The following LRP1B variants were observed in gnomAD, a reference collection of about 807,000 sequenced individuals.
LRP1B encodes the protein LDL receptor related protein 1B.
LRP1B carries 217 observed loss-of-function variants against 556.6 expected under a neutral mutation model. The ratio of observed to expected loss-of-function variants is 0.39; its 90% CI spans 0.35 to 0.44. The LOEUF (loss-of-function observed/expected upper bound fraction) is 0.44, where lower values mean the gene tolerates loss of function less well. Among genes scored for constraint, LRP1B ranks in the 20% least tolerant of loss-of-function variants. LRP1B has a pLI of 1.00. For missense variants in LRP1B, 5,053 were observed against 5,620.8 expected (o/e 0.90, Z 3.23); for synonymous variants, 2,047 against 1,865.8 (o/e 1.10, Z -2.50).
intron 41 of LRP1B, among the ~76,000 whole-genome samples, chr2:140,698,112 G>A (rs572263530): frequency 5.3e-5 from 8 of 151,426 alleles, no homozygotes; most frequent in East Asian, 1.9e-4. Context: ...TCAACATCAC[G>A]TCATTCCCTA....
At chr2:141,476,130 G>C (rs539767259) in intron 3 of LRP1B, among the ~76,000 whole-genome samples, 94 of 152,278 alleles carry the variant, frequency 6.2e-4, no homozygotes, top group African/African-American at 2.1e-3. Context: ...CTGTGTGTCT[G>C]CGTGCTCCCC....
At chr2:140,246,486 C>T (rs999321921) in intron 87 of LRP1B, among the ~76,000 whole-genome samples, 4 of 150,952 alleles carry the variant, frequency 2.6e-5, no homozygotes, top group East Asian at 2.0e-4. Flanking sequence ...AGACCCACAA[C>T]GATGATATAG....
At chr2:141,595,236 T>G (rs1687476402) in intron 2 of LRP1B, among the ~76,000 whole-genome samples, 1 of 152,074 alleles carries the variant, frequency 6.6e-6, no homozygotes, top group South Asian at 2.1e-4. Context: ...TTCTTACAGT[T>G]TATCAGGATC....
rs565082229 is a variant in LRP1B, at chr2:141,012,242, A to C, written c.2380+1314T>G. Among the ~76,000 whole-genome samples the C allele has an allele frequency of 1.1e-4, 16 of 152,156 alleles. No individual in the cohort carries two copies. In the South Asian group the frequency reaches 3.3e-3, roughly 32 times the overall value. ...TGGTAAAAATGTTATGGACTTTGGC[A>C]ACAGAAATTCAGCAATAACATTCAA... On this transcript the variant is annotated intron_variant, in intron 14 of 90. Coordinates refer to ENST00000389484, the MANE Select transcript of LRP1B (RefSeq NM_018557.3).
At chr2:141,075,233 A>G (rs1020453187) in intron 7 of LRP1B, among the ~76,000 whole-genome samples, 1 of 152,214 alleles carries the variant, frequency 6.6e-6, no homozygotes, top group Non-Finnish European at 1.5e-5. Context: ...AATGGAAAAG[A>G]GAAGAGAGAT....
chr2:141,068,682 T>A (rs1699551400), intron 7 of LRP1B, among the ~76,000 whole-genome samples: 2 of 151,926 alleles, frequency 1.3e-5, no homozygotes, highest in South Asian at 4.1e-4. Flanking sequence ...TGCTTGTCTG[T>A]GTCTGCAGCT....
chr2:142,094,231 A>G (rs766518076), intron 1 of LRP1B, among the ~76,000 whole-genome samples: 40 of 152,088 alleles, frequency 2.6e-4, no homozygotes, highest in Non-Finnish European at 5.7e-4. Context: ...GGTATCACAA[A>G]TATTCAGGTT....
chr2:140,258,308 TAAA>T (rs5834729), intron 86 of LRP1B, among the ~76,000 whole-genome samples: 1 of 147,884 alleles, frequency 6.8e-6, no homozygotes, highest in Admixed American at 6.8e-5. Flanking sequence ...CCTTCTGCCT[TAAA>T]AAAAAAAAAT....
chr2:140,915,371 G>C (rs1694543379), intron 21 of LRP1B, among the ~76,000 whole-genome samples: 1 of 152,006 alleles, frequency 6.6e-6, no homozygotes, highest in Non-Finnish European at 1.5e-5. Context: ...AGAAGGGTTT[G>C]GGGGCGCTGG....
chr2:141,373,306 CGAT>C (rs1559036065), intron 3 of LRP1B, among the ~76,000 whole-genome samples: 1 of 152,022 alleles, frequency 6.6e-6, no homozygotes, highest in African/African-American at 2.4e-5. Context: ...CTAACGAAAA[CGAT>C]GAATATTCTA....
At chr2:141,668,828 G>C (rs1368488678) in intron 2 of LRP1B, among the ~76,000 whole-genome samples, 1 of 152,116 alleles carries the variant, frequency 6.6e-6, no homozygotes, top group Non-Finnish European at 1.5e-5. Context: ...GGGAGTTGCA[G>C]GCATCCACCT....
chr2:141,488,482 G>T (rs1304713543), intron 2 of LRP1B, among the ~76,000 whole-genome samples: 1 of 152,088 alleles, frequency 6.6e-6, no homozygotes, highest in Non-Finnish European at 1.5e-5. Context: ...GGGGTATGAG[G>T]ATTACTTCTA....
At chr2:141,961,593 T>C (rs1701406171) in intron 1 of LRP1B, among the ~76,000 whole-genome samples, 1 of 151,688 alleles carries the variant, frequency 6.6e-6, no homozygotes. Context: ...GTGAGATGCA[T>C]ACTATCCTGT....
intron 3 of LRP1B, among the ~76,000 whole-genome samples, chr2:141,278,075 A>G (rs1302048643): frequency 6.6e-6 from 1 of 152,202 alleles, no homozygotes; most frequent in African/African-American, 2.4e-5. Flanking sequence ...TTGATTCGTG[A>G]GCATGAGTCA....
chr2:141,015,301 T>A (rs754591682), intron 13 of LRP1B, among the ~76,000 whole-genome samples: 37 of 152,096 alleles, frequency 2.4e-4, no homozygotes, highest in Non-Finnish European at 4.3e-4. Context: ...AGTTACTTAC[T>A]CAACTAAATA....
At chr2:140,315,140 G>C in intron 82 of LRP1B, 41 bp from the exon 83 acceptor site, 1 of 1,330,112 alleles carries the variant, frequency 7.5e-7, no homozygotes, top group Non-Finnish European at 1.0e-6. Context: ...ATGTTTTCAG[G>C]GAGTAATTTA....
At chr2:141,873,403 G>T (rs1698652181) in intron 1 of LRP1B, among the ~76,000 whole-genome samples, 1 of 151,926 alleles carries the variant, frequency 6.6e-6, no homozygotes, top group South Asian at 2.1e-4. Flanking sequence ...TTTGCATATT[G>T]TAGAAAAAGC....
rs185982001 is a variant in LRP1B at position 140,767,752 on chromosome 2, T to A, written c.5758+1461A>T. Among the ~76,000 whole-genome samples, 639 of 152,076 alleles carry A rather than the reference T, an allele frequency of 4.2e-3. 2 individuals are homozygous for A. The highest frequency in any genetic ancestry group is 6.4e-3 in the Non-Finnish European group (436 of 67,884). ...CATGCTAACTAATATTTTTTCCTCA[T>A]GGAAATTTATCAAATATTTTCAAAA... On this transcript the variant is annotated intron_variant, in intron 35 of 90. Coordinates refer to ENST00000389484, the MANE Select transcript of LRP1B (RefSeq NM_018557.3).
chr2:141,556,088 C>T (rs1685952165), intron 2 of LRP1B, among the ~76,000 whole-genome samples: 1 of 151,748 alleles, frequency 6.6e-6, no homozygotes, highest in African/African-American at 2.4e-5. Flanking sequence ...GGTGATGACC[C>T]GTGAGCCTGC....
Sources: gnomAD v4.1 joint callset for allele counts (sites outside exome capture counted in the v4.1 genomes callset) on GRCh38, gnomAD v4.1.1 for gene constraint, MANE v1.5 for transcripts, NCBI Gene and HGNC (gene_info 2026-07-23, HGNC 2026-07-21) for gene names.